Variants in GNA14 observed in about 807,000 individuals in gnomAD.
GNA14 encodes G protein subunit alpha 14.
A neutral mutation model predicts 42.0 loss-of-function variants in GNA14; 50 were observed. The observed-to-expected ratio is 1.19, with a 90% CI of 0.95 to 1.51. The LOEUF (loss-of-function observed/expected upper bound fraction) is 1.51. GNA14 is among the 40% of genes most tolerant of loss of function. The pLI, the probability that GNA14 is intolerant of heterozygous loss-of-function variation, is 0.00. For synonymous variants in GNA14, 173 were observed against 163.1 expected, an observed-to-expected ratio of 1.06 and a Z score of -0.46; for missense variants, 473 against 446.2, an observed-to-expected ratio of 1.06 and a Z score of -0.54.
chr9:77,497,150 C>A (rs1836885726), intron 2 of GNA14, among the ~76,000 whole-genome samples: 1 of 152,204 alleles, frequency 6.6e-6, no homozygotes, highest in African/African-American at 2.4e-5. Context: ...GAATTCTCCA[C>A]CCAGGACTCC....
chr9:77,469,637 C>T (rs904259601), intron 2 of GNA14, among the ~76,000 whole-genome samples: 5 of 151,992 alleles, frequency 3.3e-5, no homozygotes, highest in Admixed American at 2.0e-4. Context: ...ATCAAAAAAT[C>T]GCCCAAGCAT....
intron 1 of GNA14, among the ~76,000 whole-genome samples, chr9:77,576,169 G>A (rs1823125470): frequency 6.6e-6 from 1 of 152,136 alleles, no homozygotes; most frequent in South Asian, 2.1e-4. Context: ...CAATATCATG[G>A]CTTGTTAAGG....
At chr9:77,511,054 CA>C (rs11307052) in intron 2 of GNA14, among the ~76,000 whole-genome samples, 41,377 of 137,544 alleles carry the variant, frequency 0.3, 7,543 homozygotes, top group African/African-American at 0.54. Context: ...TTTCCCATTC[CA>C]AAAAAAAAAA....
chr9:77,453,950 A>G (rs1835956118), intron 2 of GNA14, among the ~76,000 whole-genome samples: 1 of 152,222 alleles, frequency 6.6e-6, no homozygotes, highest in South Asian at 2.1e-4. Context: ...CATAGCTTGT[A>G]AAAGTCAGAA....
At chr9:77,584,960 T>C (rs969389682) in intron 1 of GNA14, among the ~76,000 whole-genome samples, 7 of 152,004 alleles carry the variant, frequency 4.6e-5, no homozygotes, top group Non-Finnish European at 8.8e-5. Flanking sequence ...TTGGTTTTGG[T>C]GGGATTTAGC....
At chr9:77,501,713 C>CTTTTTTTT (rs71358606) in intron 2 of GNA14, among the ~76,000 whole-genome samples, 2 of 130,420 alleles carry the variant, frequency 1.5e-5, no homozygotes, top group African/African-American at 3.0e-5. Flanking sequence ...TGGATAATTT[C>CTTTTTTTT]TTTTTTTTTT....
Position 77,615,295 on chromosome 9 carries a change from C to T in GNA14, c.124+32375G>A, listed in dbSNP as rs187708443. On this transcript the variant is annotated intron_variant, in intron 1 of 6. Transcript: ENST00000341700. ...TATCCCAAATTGGGGTTTCAGGAGA[C>T]AATGCTTTTTTTTTTAGCCACTAAA... Among the ~76,000 whole-genome samples, 86 of 151,550 alleles carry T rather than the reference C, an allele frequency of 5.7e-4. 1 individual carries two copies. Among genetic ancestry groups the T allele is most frequent in the Middle Eastern group, 3.4e-3 (1 of 294 alleles).
At chr9:77,503,415 C>A (rs551800579) in intron 2 of GNA14, among the ~76,000 whole-genome samples, 1 of 152,112 alleles carries the variant, frequency 6.6e-6, no homozygotes, top group Non-Finnish European at 1.5e-5. Flanking sequence ...CAATGATGTA[C>A]AAATGCCAGT....
At chr9:77,504,384 C>T (rs1484662201) in intron 2 of GNA14, among the ~76,000 whole-genome samples, 1 of 152,090 alleles carries the variant, frequency 6.6e-6, no homozygotes, top group African/African-American at 2.4e-5. Context: ...GCAGGGCAAG[C>T]TCATAACACC....
intron 2 of GNA14, among the ~76,000 whole-genome samples, chr9:77,509,841 T>C (rs1037995893): frequency 2.6e-5 from 4 of 152,188 alleles, no homozygotes; most frequent in African/African-American, 9.6e-5. Context: ...GAAACCAAAT[T>C]ATCCCAGTGA....
At chr9:77,558,686 G>A (rs73651541) in intron 1 of GNA14, among the ~76,000 whole-genome samples, 82 of 152,234 alleles carry the variant, frequency 5.4e-4, no homozygotes, top group African/African-American at 1.8e-3. Context: ...GGACCCATGT[G>A]TCACTGTGTG....
At chr9:77,511,451 G>A (rs765086811) in intron 2 of GNA14, among the ~76,000 whole-genome samples, 4 of 152,166 alleles carry the variant, frequency 2.6e-5, no homozygotes, top group Admixed American at 6.5e-5. Flanking sequence ...TCACTGAGTT[G>A]GAGAATGGGA....
chr9:77,584,297 T>C (rs1203324900), intron 1 of GNA14, among the ~76,000 whole-genome samples: 1 of 152,222 alleles, frequency 6.6e-6, no homozygotes, highest in Non-Finnish European at 1.5e-5. Context: ...TGATAGTATA[T>C]TGCATCTGAA....
intron 2 of GNA14, among the ~76,000 whole-genome samples, chr9:77,451,634 A>C (rs1202018782): frequency 6.6e-6 from 1 of 152,178 alleles, no homozygotes; most frequent in Non-Finnish European, 1.5e-5. Flanking sequence ...ATATTGCCCC[A>C]AACTTTTTTC....
rs565867777 is a variant in GNA14 at position 77,486,685 on chromosome 9, C to T, written c.309+42384G>A. Among the ~76,000 whole-genome samples the T allele has an allele frequency of 2.4e-4, 37 of 152,238 alleles. 1 individual carries two copies. The highest frequency in any genetic ancestry group is 8.4e-4 in the African/African-American group (35 of 41,526). On this transcript the variant is annotated intron_variant, in intron 2 of 6. Transcript: ENST00000341700. ...GTAGGATTATTAATTGGCCTAATTTCAATACTACTGTGTTTCAGGTAATAG... is the reference window on the plus strand; with the variant it reads ...GTAGGATTATTAATTGGCCTAATTTTAATACTACTGTGTTTCAGGTAATAG...
intron 1 of GNA14, among the ~76,000 whole-genome samples, chr9:77,570,716 G>T (rs1224983664): frequency 1.3e-5 from 2 of 152,020 alleles, no homozygotes; most frequent in African/African-American, 4.8e-5. Flanking sequence ...TACAAGTTTT[G>T]TGTGGATATA....
In GNA14 at chr9:77,456,774, AAATAT is replaced by A. The variant is rs374215191; in HGVS notation, c.310-22257_310-22253del. Reference sequence around the variant, plus strand: ...CTCCAAAGGATATTATTTATACAATAAATATAATATAGTTATTGGAAAATATTATA... The same window carrying A: ...CTCCAAAGGATATTATTTATACAATAAATATAGTTATTGGAAAATATTATA... On this transcript the variant is annotated intron_variant, in intron 2 of 6. Transcript: ENST00000341700. Among the ~76,000 whole-genome samples, 1,072 of 152,318 alleles carry A rather than the reference AAATAT, an allele frequency of 7.0e-3. 5 individuals carry two copies. The highest frequency in any genetic ancestry group is 9.4e-3 in the Non-Finnish European group (638 of 68,024).
chr9:77,587,239 G>T (rs1823320510), intron 1 of GNA14, among the ~76,000 whole-genome samples: 1 of 152,100 alleles, frequency 6.6e-6, no homozygotes. Flanking sequence ...AAATAGTTTG[G>T]CAGTTTCTCA....
intron 1 of GNA14, among the ~76,000 whole-genome samples, chr9:77,530,975 G>A (rs1837519291): frequency 6.6e-6 from 1 of 152,202 alleles, no homozygotes; most frequent in Non-Finnish European, 1.5e-5. Flanking sequence ...GGCCTTCAAT[G>A]TTCACCACAG....
Sources: allele counts gnomAD v4.1 joint callset (sites outside exome capture counted in the v4.1 genomes callset), GRCh38; gene constraint gnomAD v4.1.1; transcripts MANE v1.5; gene names NCBI Gene and HGNC (gene_info 2026-07-23, HGNC 2026-07-21).